GRM7: variants seen among roughly 807,000 people sequenced by gnomAD.
GRM7 encodes metabotropic glutamate receptor 7.
GRM7 carries 35 observed loss-of-function variants against 84.5 expected under a neutral mutation model. That is an observed-to-expected ratio of 0.41 (90% CI 0.32 to 0.55). The LOEUF (loss-of-function observed/expected upper bound fraction) is 0.55. GRM7 is among the 20% of genes least tolerant of loss of function. GRM7 has a pLI of 0.19. For missense variants in GRM7, 1,003 were observed against 1,194.6 expected (o/e 0.84, Z 2.36); for synonymous variants, 487 against 455.1 (o/e 1.07, Z -0.89).
intron 2 of GRM7, among the ~76,000 whole-genome samples, chr3:7,211,897 C>A (rs1278941751): frequency 6.6e-6 from 1 of 151,990 alleles, no homozygotes; most frequent in Non-Finnish European, 1.5e-5. Context: ...TTGACTTCCC[C>A]GACTTGGTGT....
At chr3:7,422,382 C>T (rs1240550030) in intron 5 of GRM7, among the ~76,000 whole-genome samples, 2 of 152,182 alleles carry the variant, frequency 1.3e-5, no homozygotes, top group African/African-American at 2.4e-5. Flanking sequence ...GCATTTGAAA[C>T]ATGACTAATG....
intron 7 of GRM7, among the ~76,000 whole-genome samples, chr3:7,469,077 G>A (rs1575383801): frequency 6.6e-6 from 1 of 152,216 alleles, no homozygotes; most frequent in South Asian, 2.1e-4. Context: ...GAAATGGCTT[G>A]TTAAATATTA....
At chr3:6,882,511 C>T (rs893821259) in intron 1 of GRM7, among the ~76,000 whole-genome samples, 5 of 151,870 alleles carry the variant, frequency 3.3e-5, no homozygotes, top group Non-Finnish European at 5.9e-5. Flanking sequence ...GCACCACTGC[C>T]CCCCGGCCTG....
intron 1 of GRM7, among the ~76,000 whole-genome samples, chr3:6,881,133 C>G (rs1354598542): frequency 2.0e-5 from 3 of 151,860 alleles, no homozygotes; most frequent in Non-Finnish European, 4.4e-5. Flanking sequence ...TTCTTTTTTT[C>G]TTTTAATTTT....
chr3:7,706,161 A>G (rs1015210250), intron 9 of GRM7, among the ~76,000 whole-genome samples: 2 of 152,224 alleles, frequency 1.3e-5, no homozygotes, highest in Non-Finnish European at 2.9e-5. Flanking sequence ...ATAGCCCTAG[A>G]CATAGAAAAA....
chr3:7,568,549 G>T (rs1213289945), intron 7 of GRM7, among the ~76,000 whole-genome samples: 1 of 152,242 alleles, frequency 6.6e-6, no homozygotes, highest in Non-Finnish European at 1.5e-5. Context: ...CCTTTTCTGG[G>T]CTGGCCAAGG....
chr3:7,302,077 A>C (rs779362140), intron 3 of GRM7, among the ~76,000 whole-genome samples: 7 of 152,174 alleles, frequency 4.6e-5, no homozygotes, highest in Non-Finnish European at 8.8e-5. Flanking sequence ...CCACTGGAAA[A>C]TAAAAGTTTT....
intron 4 of GRM7, among the ~76,000 whole-genome samples, chr3:7,375,698 A>G (rs543475313): frequency 1.4e-4 from 21 of 152,094 alleles, no homozygotes; most frequent in Middle Eastern, 3.4e-3. Context: ...GGATTGATTA[A>G]TTCTTCATAT....
At chr3:7,415,666 A>C (rs546775560) in intron 5 of GRM7, among the ~76,000 whole-genome samples, 1 of 152,288 alleles carries the variant, frequency 6.6e-6, no homozygotes, top group East Asian at 1.9e-4. Flanking sequence ...TGTAAATGAA[A>C]AATATCTGTG....
rs1003441865 is a variant in GRM7 at position 6,928,732 on chromosome 3, G to A, written c.519+66825G>A. 4.5e-4 allele frequency among the ~76,000 whole-genome samples: 69 copies of A among 152,138 alleles called. No homozygotes were observed. The highest frequency in any genetic ancestry group is 1.7e-3 in the African/African-American group (69 of 41,420). On this transcript the variant is annotated intron_variant, in intron 1 of 9. Transcript: ENST00000357716. This position sits in a 1 kb window ranked among gnomAD's most constrained non-coding sequence, Gnocchi z 4.5. ...TTTATCACTAAATGGCTTTTCCATG[G>A]ATTGCAATCATTGAAAGGTTGTAAT...
At chr3:7,176,260 A>C (rs950721411) in intron 2 of GRM7, among the ~76,000 whole-genome samples, 3 of 134,654 alleles carry the variant, frequency 2.2e-5, no homozygotes, top group African/African-American at 8.8e-5. Flanking sequence ...AAAAAAAAAA[A>C]AATAGCTGGG....
intron 1 of GRM7, among the ~76,000 whole-genome samples, chr3:7,105,536 T>C (rs1167079215): frequency 2.6e-5 from 4 of 151,910 alleles, no homozygotes; most frequent in African/African-American, 4.8e-5. Context: ...TGGGGAACAA[T>C]AGCTTCACTC....
At chr3:6,975,709 T>G (rs1693963738) in intron 1 of GRM7, among the ~76,000 whole-genome samples, 1 of 152,118 alleles carries the variant, frequency 6.6e-6, no homozygotes, top group Non-Finnish European at 1.5e-5. Context: ...TATTTTGCTG[T>G]TGTTTGTTTG....
chr3:7,089,738 A>T (rs1464002849), intron 1 of GRM7, among the ~76,000 whole-genome samples: 2 of 152,236 alleles, frequency 1.3e-5, no homozygotes, highest in African/African-American at 4.8e-5. Context: ...AAAGATACCA[A>T]GAAGGCAGGA....
intron 9 of GRM7, among the ~76,000 whole-genome samples, chr3:7,737,563 T>C (rs1182380600): frequency 6.6e-6 from 1 of 152,208 alleles, no homozygotes; most frequent in African/African-American, 2.4e-5. Context: ...GCACTTATTT[T>C]ATTTACTCAC....
chr3:6,898,152 G>T (rs1048990613), intron 1 of GRM7, among the ~76,000 whole-genome samples: 24 of 152,136 alleles, frequency 1.6e-4, no homozygotes, highest in African/African-American at 5.6e-4. Flanking sequence ...ATTCGAAAGG[G>T]CTGATAGGAT....
chr3:6,997,022 T>TA (rs1694849773), intron 1 of GRM7, among the ~76,000 whole-genome samples: 1 of 152,226 alleles, frequency 6.6e-6, no homozygotes, highest in African/African-American at 2.4e-5. Flanking sequence ...AAGTTATGAT[T>TA]AAAAAGCAAG....
chr3:7,305,602 GT>G (rs947718795), intron 3 of GRM7, among the ~76,000 whole-genome samples: 2 of 44,388 alleles, frequency 4.5e-5, no homozygotes, highest in African/African-American at 9.0e-5. Flanking sequence ...GCAGTGTTTG[GT>G]TTTTTGTTCT....
intron 9 of GRM7, among the ~76,000 whole-genome samples, chr3:7,697,167 A>C (rs1275107698): frequency 6.6e-6 from 1 of 152,204 alleles, no homozygotes; most frequent in Non-Finnish European, 1.5e-5. Context: ...AAATAGCATC[A>C]ATGAGTTTGT....
Sources: gnomAD v4.1 joint callset for allele counts (sites outside exome capture counted in the v4.1 genomes callset) on GRCh38, gnomAD v4.1.1 for gene constraint, Gnocchi (gnomAD v3.1) non-coding constraint, MANE v1.5 for transcripts, NCBI Gene and HGNC (gene_info 2026-07-23, HGNC 2026-07-21) for gene names.